Variants in WWC2 observed in about 807,000 individuals in gnomAD.
WWC2 encodes the protein WW and C2 domain containing 2, also known as protein WWC2.
WWC2 carries 101 observed loss-of-function variants against 138.5 expected under a neutral mutation model. The ratio of observed to expected loss-of-function variants is 0.73; its 90% CI spans 0.62 to 0.86. The LOEUF is 0.86. Among genes scored for constraint, WWC2 ranks in the 40% least tolerant of loss-of-function variants. WWC2 has a pLI of 0.00. For missense variants in WWC2, 1,420 were observed against 1,419.4 expected (o/e 1.00, Z -0.01); for synonymous variants, 558 against 538.4 (o/e 1.04, Z -0.50).
rs546975914 is a variant in WWC2, at chr4:183,220,573, G to A, written c.522+11548G>A. On this transcript the variant is annotated intron_variant, in intron 4 of 22. Transcript: ENST00000403733. The stretch of plus-strand genomic sequence containing the variant: ...AAAATGGCCGGGCGCGGTGGCTCAC[G>A]CCTGTAATTCCAGCACTTTGGGAGG... 1.1e-4 allele frequency among the ~76,000 whole-genome samples: 16 copies of A among 150,976 alleles called. No homozygotes were observed. The South Asian group carries it at 2.5e-3, about 24-fold the overall frequency.
intron 1 of WWC2, among the ~76,000 whole-genome samples, chr4:183,190,004 T>A (rs1344882741): frequency 2.0e-5 from 3 of 152,124 alleles, no homozygotes; most frequent in Non-Finnish European, 2.9e-5. Flanking sequence ...CCACACAGAG[T>A]TAAATTTTGC....
chr4:183,124,476 C>A (rs544381198), intron 1 of WWC2, among the ~76,000 whole-genome samples: 1 of 148,996 alleles, frequency 6.7e-6, no homozygotes, highest in Non-Finnish European at 1.5e-5. Flanking sequence ...CTTTCTAATT[C>A]GGTACTTTAT....
intron 2 of WWC2, among the ~76,000 whole-genome samples, chr4:183,205,848 G>A (rs571104117): frequency 6.6e-6 from 1 of 152,116 alleles, no homozygotes; most frequent in African/African-American, 2.4e-5. Context: ...GTGTGAGCTC[G>A]GGGAATTTAT....
intron 21 of WWC2, among the ~76,000 whole-genome samples, chr4:183,293,143 C>T (rs893940505): frequency 1.3e-5 from 2 of 152,100 alleles, no homozygotes; most frequent in African/African-American, 4.8e-5. Flanking sequence ...TTAGTAGAGA[C>T]AGGGTTTTGC....
At chr4:183,225,802 A>G (rs538707037) in intron 4 of WWC2, among the ~76,000 whole-genome samples, 86 of 152,318 alleles carry the variant, frequency 5.6e-4, no homozygotes, top group African/African-American at 2.0e-3. Flanking sequence ...AAAACAAACA[A>G]AAGTAACTGC....
At chr4:183,283,679 A>ATTTAGAT (rs1738154400) in intron 18 of WWC2, among the ~76,000 whole-genome samples, 1 of 152,198 alleles carries the variant, frequency 6.6e-6, no homozygotes, top group Admixed American at 6.5e-5. Flanking sequence ...TATTTTTGTT[A>ATTTAGAT]CATTTCTAAA....
intron 21 of WWC2, among the ~76,000 whole-genome samples, chr4:183,295,574 G>C (rs1328298478): frequency 6.6e-6 from 1 of 152,132 alleles, no homozygotes; most frequent in African/African-American, 2.4e-5. Context: ...GGAATATCAG[G>C]GTCTAGGGAT....
Position 183,240,176 on chromosome 4 carries a change from T to C in WWC2, c.523-7T>C. On this transcript the variant is annotated splice_region_variant and splice_polypyrimidine_tract_variant and intron_variant, in intron 4 of 22. Coordinates refer to ENST00000403733, the MANE Select transcript of WWC2 (RefSeq NM_024949.6). ...ACATTAATGTTTATGTTGATTTCTC[T>C]TTAAAGGTTAAAAAGCTAAAGAGAG... 6.5e-7 allele frequency: 1 copy of C among 1,542,044 alleles called. No homozygotes were observed. Among genetic ancestry groups the C allele is most frequent in the Non-Finnish European group, 8.7e-7 (1 of 1,144,030 alleles).
intron 21 of WWC2, among the ~76,000 whole-genome samples, chr4:183,298,260 T>C (rs1738705651): frequency 6.6e-6 from 1 of 152,254 alleles, no homozygotes; most frequent in Non-Finnish European, 1.5e-5. Context: ...TCTAGATCAC[T>C]ACTGTGAACA....
At chr4:183,224,514 G>A (rs1736015929) in intron 4 of WWC2, among the ~76,000 whole-genome samples, 1 of 152,130 alleles carries the variant, frequency 6.6e-6, no homozygotes, top group African/African-American at 2.4e-5. Flanking sequence ...TCTAGCACCT[G>A]CCAGAGATAA....
At position 183,206,822 on chromosome 4, in the gene WWC2, A is replaced by G. The variant is rs138896378; in HGVS notation, c.242-1131A>G. On this transcript the variant is annotated intron_variant, in intron 2 of 22. Transcript: ENST00000403733. ...GTATCCCAATGCTGGACAGCAGTAC[A>G]CTCCAACTCCTTGGCCCAACATGTG... Among the ~76,000 whole-genome samples the G allele has an allele frequency of 3.7e-3, 565 of 152,280 alleles. 3 individuals carry two copies. The highest frequency in any genetic ancestry group is 0.013 in the African/African-American group (533 of 41,540).
At position 183,279,270 on chromosome 4, in the gene WWC2, T is replaced by G. The variant is rs372386752; in HGVS notation, c.2563-1506T>G. ...TGTCTTTGGCTCTGTTTATATGCTG[T>G]ATTACATTTATTGATTTGCGTATAT... is the stretch of plus-strand genomic sequence containing the variant. On this transcript the variant is annotated intron_variant, in intron 16 of 22. Transcript: ENST00000403733. Among the ~76,000 whole-genome samples the G allele has an allele frequency of 6.7e-3, 1,023 of 151,666 alleles. 8 individuals carry two copies. The highest frequency in any genetic ancestry group is 0.023 in the African/African-American group (959 of 41,052).
At chr4:183,296,291 A>T (rs1738627546) in intron 21 of WWC2, among the ~76,000 whole-genome samples, 1 of 152,224 alleles carries the variant, frequency 6.6e-6, no homozygotes, top group Non-Finnish European at 1.5e-5. Context: ...TGGCACCCAC[A>T]TGGCAGTACT....
chr4:183,162,728 C>T (rs1468859392), intron 1 of WWC2, among the ~76,000 whole-genome samples: 2 of 152,106 alleles, frequency 1.3e-5, no homozygotes, highest in Admixed American at 1.3e-4. Flanking sequence ...CTTCTTACCC[C>T]ATTCCTTCTT....
intron 4 of WWC2, among the ~76,000 whole-genome samples, chr4:183,216,616 TAACTG>T (rs1389749507): frequency 6.6e-6 from 1 of 152,170 alleles, no homozygotes; most frequent in Non-Finnish European, 1.5e-5. Flanking sequence ...CTGTAATTCT[TAACTG>T]AAAGGAAACA....
At chr4:183,299,619 T>A (rs1738757909) in intron 21 of WWC2, among the ~76,000 whole-genome samples, 4 of 152,184 alleles carry the variant, frequency 2.6e-5, no homozygotes, top group Admixed American at 2.6e-4. Flanking sequence ...CAGAAACTCA[T>A]GATCACCACT....
At chr4:183,141,613 C>G (rs536155391) in intron 1 of WWC2, among the ~76,000 whole-genome samples, 2 of 152,268 alleles carry the variant, frequency 1.3e-5, no homozygotes, top group East Asian at 3.9e-4. Flanking sequence ...TGGCTAGATT[C>G]ACCTTTGTAT....
chr4:183,126,733 T>G (rs1459162318), intron 1 of WWC2, among the ~76,000 whole-genome samples: 2 of 151,880 alleles, frequency 1.3e-5, no homozygotes, highest in African/African-American at 2.4e-5. Context: ...CTGGTTTATT[T>G]TATTTTATTT....
intron 21 of WWC2, among the ~76,000 whole-genome samples, chr4:183,296,900 C>T (rs1258222165): frequency 7.4e-6 from 1 of 134,264 alleles, no homozygotes; most frequent in Non-Finnish European, 1.5e-5. Flanking sequence ...CACCACTGCA[C>T]TCCAGCCTGG....
Sources: allele counts gnomAD v4.1 joint callset (sites outside exome capture counted in the v4.1 genomes callset), GRCh38; gene constraint gnomAD v4.1.1; transcripts MANE v1.5; gene names NCBI Gene and HGNC (gene_info 2026-07-23, HGNC 2026-07-21).